Variants in SRRM4 observed in about 807,000 individuals in gnomAD.
The protein encoded by SRRM4 is serine/arginine repetitive matrix 4.
Under a neutral mutation model 68.9 loss-of-function variants are expected in SRRM4, and 33 were observed. The ratio of observed to expected loss-of-function variants is 0.48; its 90% CI spans 0.36 to 0.64. The LOEUF (loss-of-function observed/expected upper bound fraction) is 0.64. Ranked by LOEUF, SRRM4 falls within the 30% of genes least tolerant of loss-of-function variation. The pLI, the probability that SRRM4 is intolerant of heterozygous loss-of-function variation, is 0.00. For missense variants in SRRM4, 817 were observed against 827.1 expected, an observed-to-expected ratio of 0.99 and a Z score of 0.15; for synonymous variants, 318 against 318.8, an observed-to-expected ratio of 1.00 and a Z score of 0.03.
At chr12:119,113,078 G>C (rs1197503369) in intron 2 of SRRM4, among the ~76,000 whole-genome samples, 1 of 152,110 alleles carries the variant, frequency 6.6e-6, no homozygotes, top group Non-Finnish European at 1.5e-5. Flanking sequence ...TAAATAAAAT[G>C]ACATCTGATA....
At chr12:119,145,333 C>T in intron 8 of SRRM4, 48 bp from the exon 9 acceptor site, 1 of 1,511,724 alleles carries the variant, frequency 6.6e-7, no homozygotes, top group Admixed American at 2.0e-5. Flanking sequence ...TAGAAACAGC[C>T]CATGGGCCCA....
At chr12:119,053,837 T>G (rs1953760190) in intron 1 of SRRM4, among the ~76,000 whole-genome samples, 1 of 152,146 alleles carries the variant, frequency 6.6e-6, no homozygotes, top group Non-Finnish European at 1.5e-5. Flanking sequence ...TATCACATCA[T>G]GGAGAATGCA....
intron 1 of SRRM4, among the ~76,000 whole-genome samples, chr12:118,988,637 A>T (rs1490164022): frequency 1.3e-5 from 2 of 151,486 alleles, no homozygotes; most frequent in African/African-American, 4.9e-5. Context: ...CACGTTGGCT[A>T]AAAAAAAATT....
At chr12:119,045,709 G>A (rs1953703163) in intron 1 of SRRM4, among the ~76,000 whole-genome samples, 1 of 152,218 alleles carries the variant, frequency 6.6e-6, no homozygotes, top group South Asian at 2.1e-4. Flanking sequence ...ATTCTGAAGA[G>A]CTTCTGCCTT....
chr12:119,030,834 A>G (rs1455016459), intron 1 of SRRM4, among the ~76,000 whole-genome samples: 1 of 152,176 alleles, frequency 6.6e-6, no homozygotes, highest in Non-Finnish European at 1.5e-5. Flanking sequence ...TGCAAAAATG[A>G]TTTCATATGG....
At chr12:118,985,598 G>A (rs902953795) in intron 1 of SRRM4, among the ~76,000 whole-genome samples, 13 of 152,124 alleles carry the variant, frequency 8.5e-5, no homozygotes, top group Non-Finnish European at 1.6e-4. Flanking sequence ...TCTACCAGCC[G>A]GAAGGGAACC....
chr12:119,152,237 C>T (rs1214630667), intron 10 of SRRM4, among the ~76,000 whole-genome samples: 1 of 152,178 alleles, frequency 6.6e-6, no homozygotes, highest in Non-Finnish European at 1.5e-5. Flanking sequence ...GCTTATTTAG[C>T]TGGTCATCTC....
At position 119,136,676 on chromosome 12, in the gene SRRM4, C is replaced by T. The variant is rs191479260; in HGVS notation, c.771+5842C>T. Among the ~76,000 whole-genome samples the T allele has an allele frequency of 4.1e-4, 62 of 152,166 alleles. No individual in the cohort carries two copies. The East Asian group carries it at 0.012, about 29-fold the overall frequency. ...ATTTAGCAGGATGAAAAACTAATTA[C>T]ATTGAACTTATTTTTTCTTGTTTCA... On this transcript the variant is annotated intron_variant, in intron 8 of 12. Transcript: ENST00000267260.
chr12:119,041,160 T>C (rs1953666485), intron 1 of SRRM4, among the ~76,000 whole-genome samples: 1 of 152,066 alleles, frequency 6.6e-6, no homozygotes. Context: ...GTATTACCCC[T>C]GTCCTTCAAA....
chr12:119,015,125 G>C (rs1184705598), intron 1 of SRRM4, among the ~76,000 whole-genome samples: 1 of 152,210 alleles, frequency 6.6e-6, no homozygotes, highest in African/African-American at 2.4e-5. Flanking sequence ...CAAGGTGTTT[G>C]TTGAGTGAAA....
At chr12:119,126,629 C>G (rs535222783) in intron 7 of SRRM4, among the ~76,000 whole-genome samples, 7 of 152,174 alleles carry the variant, frequency 4.6e-5, no homozygotes, top group Non-Finnish European at 1.0e-4. Flanking sequence ...TCTCTCTATG[C>G]TAATACATTG....
chr12:119,054,855 G>A (rs1446371162), intron 1 of SRRM4, among the ~76,000 whole-genome samples: 1 of 152,180 alleles, frequency 6.6e-6, no homozygotes, highest in East Asian at 1.9e-4. Flanking sequence ...GCAACCTCTA[G>A]CAAAGGACAG....
chr12:119,131,403 T>G (rs1176054947), intron 8 of SRRM4, among the ~76,000 whole-genome samples: 18 of 152,298 alleles, frequency 1.2e-4, no homozygotes, highest in Middle Eastern at 3.4e-3. Context: ...AGGGCACAGC[T>G]GTTCTCACTA....
chr12:119,045,937 C>G (rs1448550125), intron 1 of SRRM4, among the ~76,000 whole-genome samples: 1 of 152,038 alleles, frequency 6.6e-6, no homozygotes, highest in African/African-American at 2.4e-5. Flanking sequence ...ACTCAGGAGG[C>G]TGAGGCAGGG....
intron 1 of SRRM4, among the ~76,000 whole-genome samples, chr12:119,050,597 A>T (rs189786550): frequency 7.3e-4 from 111 of 152,352 alleles, no homozygotes; most frequent in Non-Finnish European, 1.4e-3. Flanking sequence ...TGAAAGCTCA[A>T]AGCACACATT....
chr12:119,074,202 C>T (rs974134173), intron 1 of SRRM4, among the ~76,000 whole-genome samples: 13 of 35,662 alleles, frequency 3.6e-4, no homozygotes, highest in African/African-American at 7.3e-4. Context: ...GAAAGGGAAA[C>T]GGTGAAAAAA....
chr12:119,095,432 C>T (rs1306317141), intron 1 of SRRM4, among the ~76,000 whole-genome samples: 1 of 152,172 alleles, frequency 6.6e-6, no homozygotes, highest in Non-Finnish European at 1.5e-5. Flanking sequence ...GCCATGATCT[C>T]TGGAAGGAAG....
chr12:119,101,886 C>T (rs530225798), intron 1 of SRRM4, among the ~76,000 whole-genome samples: 120 of 144,140 alleles, frequency 8.3e-4, no homozygotes, highest in Non-Finnish European at 1.3e-3. Context: ...GACAAATAAA[C>T]CTACATCAAA....
intron 1 of SRRM4, among the ~76,000 whole-genome samples, chr12:119,038,885 C>T (rs1248862266): frequency 6.6e-6 from 1 of 152,158 alleles, no homozygotes; most frequent in Non-Finnish European, 1.5e-5. Context: ...ACTGTTATTA[C>T]GGGAGCCAGA....
Sources: gnomAD v4.1 joint callset for allele counts (sites outside exome capture counted in the v4.1 genomes callset) on GRCh38, gnomAD v4.1.1 for gene constraint, MANE v1.5 for transcripts, NCBI Gene and HGNC (gene_info 2026-07-23, HGNC 2026-07-21) for gene names.